The following PRSS12 variants were observed in gnomAD, a reference collection of about 807,000 sequenced individuals.
The protein encoded by PRSS12 is serine protease 12.
PRSS12 carries 85 observed loss-of-function variants against 104.4 expected under a neutral mutation model. The ratio of observed to expected loss-of-function variants is 0.81; its 90% CI spans 0.68 to 0.98. The LOEUF (loss-of-function observed/expected upper bound fraction) is 0.98, where lower values mean the gene tolerates loss of function less well. Ranked by LOEUF, PRSS12 falls within the 50% of genes least tolerant of loss-of-function variation. The pLI is 0.00. For synonymous variants in PRSS12, 454 were observed against 425.2 expected (o/e 1.07, Z -0.83); for missense variants, 1,141 against 1,139.2 (o/e 1.00, Z -0.02).
chr4:118,320,465 TAGAGGGCCAGACACAGTGGCTCACGCC>T (rs2126036428), intron 4 of PRSS12, among the ~76,000 whole-genome samples: 1 of 152,180 alleles, frequency 6.6e-6, no homozygotes, highest in South Asian at 2.1e-4. Flanking sequence ...TTAATATCAT[TAGAGGGCCAGACACAGTGGCTCACGCC>T]TGTAATCCCA....
intron 4 of PRSS12, among the ~76,000 whole-genome samples, chr4:118,327,006 A>G (rs1426682429): frequency 6.6e-6 from 1 of 152,186 alleles, no homozygotes. Context: ...AAATAAATAA[A>G]TAATGTTGTA....
intron 6 of PRSS12, among the ~76,000 whole-genome samples, chr4:118,314,052 G>A (rs13112236): frequency 1.3e-5 from 2 of 152,118 alleles, no homozygotes; most frequent in South Asian, 4.1e-4. Context: ...GCAGAAATAG[G>A]AGAGATCTGA....
In PRSS12 at chr4:118,302,526, A is replaced by C. The variant is rs1743426037; in HGVS notation, c.1632-3588T>G. ...ACCGCAACCTCTCCCTTCTTGGTTCAAGCGATTCTCCTGCCTCAGCCTCCC... is the reference window on the plus strand; with the variant it reads ...ACCGCAACCTCTCCCTTCTTGGTTCCAGCGATTCTCCTGCCTCAGCCTCCC... On this transcript the variant is annotated intron_variant, in intron 8 of 12. Transcript: ENST00000296498. Among the ~76,000 whole-genome samples the C allele has an allele frequency of 1.3e-5, 2 of 152,214 alleles. 1 individual carries two copies. Among genetic ancestry groups the C allele is most frequent in the South Asian group, 4.1e-4 (2 of 4,832 alleles).
chr4:118,327,769 T>C (rs1000020477), intron 4 of PRSS12, among the ~76,000 whole-genome samples: 13 of 152,200 alleles, frequency 8.5e-5, no homozygotes, highest in Non-Finnish European at 1.9e-4. Context: ...TCTCAAGTTA[T>C]CTAATTTTCT....
At position 118,352,872 on chromosome 4, in the gene PRSS12, T is replaced by C; in HGVS notation, c.-152A>G. ...CGGACCGCCCTCGCCTCCCCAACCT[T>C]GCCTCCCGCCGCTGGTGCCCTGCCG... is the stretch of plus-strand genomic sequence containing the variant. On this transcript the variant is annotated 5_prime_UTR_variant, in exon 1 of 13. Transcript: ENST00000296498. 3 of 1,426,612 alleles carry C rather than the reference T, an allele frequency of 2.1e-6. No homozygotes were observed. Among genetic ancestry groups the C allele is most frequent in the Non-Finnish European group, 2.7e-6 (3 of 1,092,548 alleles). 88.4% of individuals were successfully genotyped at this position (1,426,612 alleles called of 1,614,324 possible). A position where few individuals can be genotyped will look rare whatever the true frequency, so the allele number is the denominator to read the frequency against.
At chr4:118,283,289 T>A (rs1742935183) in intron 11 of PRSS12, among the ~76,000 whole-genome samples, 178 bp from the exon 12 acceptor site, 1 of 152,248 alleles carries the variant, frequency 6.6e-6, no homozygotes, top group South Asian at 2.1e-4. Context: ...AAACCCATTG[T>A]CATAACCTCA....
intron 8 of PRSS12, among the ~76,000 whole-genome samples, chr4:118,302,210 A>T (rs1195077472): frequency 6.6e-6 from 1 of 152,078 alleles, no homozygotes; most frequent in East Asian, 1.9e-4. Flanking sequence ...CCTACAACAG[A>T]CTCCACTTAC....
intron 8 of PRSS12, among the ~76,000 whole-genome samples, chr4:118,302,496 A>ATGAG (rs1743425397): frequency 1.3e-5 from 2 of 152,172 alleles, no homozygotes; most frequent in Non-Finnish European, 2.9e-5. Flanking sequence ...GCACAATCTC[A>ATGAG]GCTTACCGCA....
intron 6 of PRSS12, 57 bp from the exon 7 acceptor site, chr4:118,313,454 C>G: frequency 6.4e-7 from 1 of 1,566,412 alleles, no homozygotes; most frequent in Non-Finnish European, 8.8e-7. Flanking sequence ...TTCAGGGAAC[C>G]ACAAAACATT....
intron 1 of PRSS12, among the ~76,000 whole-genome samples, chr4:118,342,397 G>A (rs1229085498): frequency 2.0e-5 from 3 of 152,092 alleles, no homozygotes; most frequent in Admixed American, 1.3e-4. Flanking sequence ...ACCATTCTTC[G>A]ATACTCTAGT....
intron 4 of PRSS12, among the ~76,000 whole-genome samples, chr4:118,323,815 A>G (rs1293918267): frequency 6.6e-6 from 1 of 151,948 alleles, no homozygotes; most frequent in Non-Finnish European, 1.5e-5. Context: ...TTTTATATAT[A>G]TATATACACA....
Position 118,316,261 on chromosome 4 carries a change from T to C in PRSS12, c.1213A>G (p.Arg405Gly), listed in dbSNP as rs1743906769. 1 of 1,614,100 alleles carries C rather than the reference T, an allele frequency of 6.2e-7. No individual in the cohort carries two copies. The highest frequency in any genetic ancestry group is 1.1e-5 in the South Asian group (1 of 91,076). Residue 405 changes from arginine (R) to glycine (G), a missense_variant, in exon 6 of 13, where the codon AGA (arginine) becomes GGA (glycine). Arg to Gly is a moderately radical substitution (Grantham distance 125). Coordinates refer to ENST00000296498, the MANE Select transcript of PRSS12 (RefSeq NM_003619.4). ...SHEGRLEVYYRGQWGTVCDDG... is the reference protein window; with the variant it reads ...SHEGRLEVYYGGQWGTVCDDG... Reference sequence around the variant, plus strand: ...TCACAGACAGTTCCCCACTGGCCTCTGTAATATACCTCCAAGCGACCCTCA... The same window carrying C: ...TCACAGACAGTTCCCCACTGGCCTCCGTAATATACCTCCAAGCGACCCTCA...
At chr4:118,332,645 T>C (rs1290337597) in intron 3 of PRSS12, among the ~76,000 whole-genome samples, 2 of 152,216 alleles carry the variant, frequency 1.3e-5, no homozygotes, top group Admixed American at 6.5e-5. Flanking sequence ...GTCAATTGTC[T>C]CACTCCTCTT....
chr4:118,341,920 C>T (rs951476519), intron 1 of PRSS12, among the ~76,000 whole-genome samples: 1 of 152,144 alleles, frequency 6.6e-6, no homozygotes, highest in African/African-American at 2.4e-5. Context: ...TGTTAGAGTT[C>T]ACCATCCTAC....
intron 8 of PRSS12, among the ~76,000 whole-genome samples, chr4:118,301,366 G>A (rs1743402999): frequency 1.3e-5 from 2 of 152,094 alleles, no homozygotes; most frequent in Admixed American, 1.3e-4. Context: ...AGTAGAATGG[G>A]TAGTGTTTTT....
chr4:118,309,043 T>C (rs1006554310), intron 7 of PRSS12, among the ~76,000 whole-genome samples: 51 of 151,470 alleles, frequency 3.4e-4, no homozygotes, highest in Non-Finnish European at 1.3e-4. Flanking sequence ...TTGGCATTCA[T>C]AGTTGGGTAA....
intron 1 of PRSS12, among the ~76,000 whole-genome samples, chr4:118,348,355 A>C (rs112465267): frequency 2.6e-3 from 395 of 152,346 alleles, no homozygotes; most frequent in African/African-American, 9.2e-3. Context: ...TAACAGGGTT[A>C]AGTCACAGAA....
intron 8 of PRSS12, among the ~76,000 whole-genome samples, chr4:118,307,205 T>C (rs71608364): frequency 0.038 from 5,802 of 152,186 alleles, 137 homozygotes; most frequent in Non-Finnish European, 0.061. Flanking sequence ...AAATTGAAAA[T>C]TTATATCACA....
At chr4:118,323,858 T>C (rs1723696493) in intron 4 of PRSS12, among the ~76,000 whole-genome samples, 1 of 151,792 alleles carries the variant, frequency 6.6e-6, no homozygotes, top group South Asian at 2.1e-4. Flanking sequence ...AGTTACAGTT[T>C]ACTTATATAA....
Sources: gnomAD v4.1 joint callset for allele counts (sites outside exome capture counted in the v4.1 genomes callset) on GRCh38, gnomAD v4.1.1 for gene constraint, MANE v1.5 for transcripts, NCBI Gene and HGNC (gene_info 2026-07-23, HGNC 2026-07-21) for gene names.